METTL16: variants seen among roughly 807,000 people sequenced by gnomAD.
METTL16 encodes methyltransferase 16, RNA N6-adenosine, also known as RNA N(6)-adenosine-methyltransferase METTL16.
In METTL16, 19 loss-of-function variants were observed where a neutral mutation model predicts 57.9. The ratio of observed to expected loss-of-function variants is 0.33; its 90% CI spans 0.23 to 0.48. The LOEUF is 0.48. METTL16 is among the 20% of genes least tolerant of loss of function. METTL16 has a pLI of 0.99. For synonymous variants in METTL16, 246 were observed against 255.6 expected (o/e 0.96, Z 0.36); for missense variants, 434 against 691.5 (o/e 0.63, Z 4.18).
At chr17:2,482,385 C>G (rs1393356450) in intron 2 of METTL16, among the ~76,000 whole-genome samples, 1 of 152,208 alleles carries the variant, frequency 6.6e-6, no homozygotes, top group East Asian at 1.9e-4. Context: ...AAACAACTGG[C>G]ACTGAGCAGT....
At chr17:2,474,616 T>C (rs1451426896) in intron 3 of METTL16, among the ~76,000 whole-genome samples, 1 of 152,166 alleles carries the variant, frequency 6.6e-6, no homozygotes, top group African/African-American at 2.4e-5. Flanking sequence ...GACTGGACTA[T>C]ATACTAACCA....
chr17:2,472,410 A>C (rs1179111907), intron 4 of METTL16, among the ~76,000 whole-genome samples: 1 of 152,116 alleles, frequency 6.6e-6, no homozygotes, highest in African/African-American at 2.4e-5. Flanking sequence ...ACATACTATT[A>C]CCATACCATC....
chr17:2,450,696 A>G (rs2067062237), intron 6 of METTL16, among the ~76,000 whole-genome samples: 1 of 152,226 alleles, frequency 6.6e-6, no homozygotes, highest in Non-Finnish European at 1.5e-5. Context: ...CCAAACTAAC[A>G]ATACATATTC....
At chr17:2,492,469 C>T (rs997611329) in intron 2 of METTL16, among the ~76,000 whole-genome samples, 3 of 152,150 alleles carry the variant, frequency 2.0e-5, no homozygotes, top group African/African-American at 7.2e-5. Context: ...TGAGCACCTA[C>T]CATGAACTCA....
chr17:2,494,760 G>A (rs1018014536), intron 2 of METTL16, among the ~76,000 whole-genome samples: 1 of 151,924 alleles, frequency 6.6e-6, no homozygotes, highest in Non-Finnish European at 1.5e-5. Flanking sequence ...AGCACTTTGG[G>A]AGGCTGAGGC....
chr17:2,438,432 G>T (rs994888919), intron 7 of METTL16, among the ~76,000 whole-genome samples: 6 of 152,150 alleles, frequency 3.9e-5, no homozygotes, highest in Non-Finnish European at 5.9e-5. Flanking sequence ...TGACTTGAAG[G>T]TTCAAATATA....
chr17:2,429,868 T>C (rs1567882270), intron 8 of METTL16, among the ~76,000 whole-genome samples: 1 of 151,984 alleles, frequency 6.6e-6, no homozygotes, highest in Non-Finnish European at 1.5e-5. Flanking sequence ...TGGAGTGCAG[T>C]GGCACGATCT....
At chr17:2,456,783 T>A (rs1263168306) in intron 6 of METTL16, among the ~76,000 whole-genome samples, 1 of 152,002 alleles carries the variant, frequency 6.6e-6, no homozygotes, top group Non-Finnish European at 1.5e-5. Flanking sequence ...AAGCTACTTA[T>A]TTTGTATTTA....
At chr17:2,430,516 C>T (rs1342624865) in intron 8 of METTL16, among the ~76,000 whole-genome samples, 1 of 144,028 alleles carries the variant, frequency 6.9e-6, no homozygotes, top group African/African-American at 2.6e-5. Flanking sequence ...CCCGGGTTCA[C>T]GCCATTCTCC....
At chr17:2,440,698 C>T (rs2066943258) in intron 7 of METTL16, among the ~76,000 whole-genome samples, 1 of 151,830 alleles carries the variant, frequency 6.6e-6, no homozygotes, top group Non-Finnish European at 1.5e-5. Flanking sequence ...AGGTGGGGTG[C>T]AATGGTGCAC....
chr17:2,455,367 G>A (rs976353114), intron 6 of METTL16, among the ~76,000 whole-genome samples: 3 of 152,168 alleles, frequency 2.0e-5, no homozygotes, highest in Non-Finnish European at 2.9e-5. Flanking sequence ...GATTACAGGC[G>A]TGAGCCACCG....
intron 6 of METTL16, among the ~76,000 whole-genome samples, chr17:2,444,867 C>A (rs1360528625): frequency 6.6e-6 from 1 of 152,062 alleles, no homozygotes; most frequent in Non-Finnish European, 1.5e-5. Flanking sequence ...GCACCCCCTC[C>A]ACCACTCCCA....
chr17:2,428,564 A>AAAAAAT (rs2066840100), intron 8 of METTL16, among the ~76,000 whole-genome samples: 1 of 31,352 alleles, frequency 3.2e-5, no homozygotes, highest in Non-Finnish European at 5.0e-5. Context: ...AAAAAAAAAA[A>AAAAAAT]ATATATATAT....
chr17:2,507,703 A>G (rs538295926), intron 1 of METTL16, among the ~76,000 whole-genome samples: 2 of 152,370 alleles, frequency 1.3e-5, no homozygotes, highest in Non-Finnish European at 2.9e-5. Flanking sequence ...AGGTGGGGAA[A>G]AGATTGAGAA....
intron 6 of METTL16, among the ~76,000 whole-genome samples, chr17:2,452,136 C>CAAAA (rs1268908998): frequency 1.6e-5 from 1 of 62,176 alleles, no homozygotes; most frequent in African/African-American, 4.0e-5. Context: ...GCCCTTGTCT[C>CAAAA]AAAAAAAAAA....
At chr17:2,478,013 AGCAC>A (rs1171409676) in intron 2 of METTL16, 128 bp from the exon 3 acceptor site, 3 of 682,926 alleles carry the variant, frequency 4.4e-6, no homozygotes, top group Non-Finnish European at 7.6e-6. Context: ...AGTTACACAG[AGCAC>A]TCATCCCAGT....
chr17:2,460,023 T>C (rs902129918), intron 6 of METTL16: 3 of 152,108 alleles, frequency 2.0e-5, no homozygotes, highest in African/African-American at 7.2e-5. Flanking sequence ...TGTGTATATA[T>C]GTGTATATAT....
chr17:2,463,848 C>G (rs1362804205), intron 6 of METTL16, among the ~76,000 whole-genome samples: 2 of 151,874 alleles, frequency 1.3e-5, no homozygotes, highest in African/African-American at 4.8e-5. Flanking sequence ...CAGGGGAGGC[C>G]GGGCACAGAG....
rs147775058 is a variant in METTL16 at position 2,499,309 on chromosome 17, A to G, written c.128+2895T>C. On this transcript the variant is annotated intron_variant, in intron 2 of 9. Transcript: ENST00000263092. ...GTACAATAGTAAGTATAGAGAGGAA[A>G]CAAACAATGACAAAACTATATCTTT... Among the ~76,000 whole-genome samples, 732 of 151,144 alleles carry G rather than the reference A, an allele frequency of 4.8e-3. 6 individuals carry two copies. Among genetic ancestry groups the G allele is most frequent in the Non-Finnish European group, 8.5e-3 (578 of 67,964 alleles).
Sources: allele counts gnomAD v4.1 joint callset (sites outside exome capture counted in the v4.1 genomes callset), GRCh38; gene constraint gnomAD v4.1.1; transcripts MANE v1.5; gene names NCBI Gene and HGNC (gene_info 2026-07-23, HGNC 2026-07-21).